Variants in RBMS3 observed in about 807,000 individuals in gnomAD.
RBMS3 encodes the protein RNA binding motif single stranded interacting protein 3, also known as RNA-binding motif, single-stranded-interacting protein 3.
A neutral mutation model predicts 66.8 loss-of-function variants in RBMS3; 27 were observed. That is an observed-to-expected ratio of 0.40 (90% CI 0.30 to 0.56). The LOEUF (loss-of-function observed/expected upper bound fraction) is 0.56. RBMS3 is among the 20% of genes least tolerant of loss of function. RBMS3 has a pLI of 0.40. For synonymous variants in RBMS3, 188 were observed against 183.0 expected (o/e 1.03, Z -0.22); for missense variants, 513 against 549.5 (o/e 0.93, Z 0.66).
chr3:29,549,057 C>CTTTTTTT (rs1576194682), intron 3 of RBMS3, among the ~76,000 whole-genome samples: 1 of 121,984 alleles, frequency 8.2e-6, no homozygotes, highest in Non-Finnish European at 1.7e-5. Flanking sequence ...CCTCCTACTT[C>CTTTTTTT]TGTTTTTTTT....
In RBMS3 at chr3:29,906,743, T is replaced by A. The variant is rs2060389163; in HGVS notation, c.939+6988T>A. ...ATACCCATTTCCTCTTACCCAAAGA[T>A]TAGTACAGTTAATATCTAATGTTAC... On this transcript the variant is annotated intron_variant, in intron 10 of 14. Coordinates refer to ENST00000383767, the MANE Select transcript of RBMS3 (RefSeq NM_001003793.3). 2.0e-5 allele frequency among the ~76,000 whole-genome samples: 3 copies of A among 152,192 alleles called. No homozygotes were observed. The South Asian group carries it at 6.2e-4, about 32-fold the overall frequency.
chr3:29,549,179 TC>T (rs1488292419), intron 3 of RBMS3, among the ~76,000 whole-genome samples: 1 of 151,386 alleles, frequency 6.6e-6, no homozygotes, highest in Non-Finnish European at 1.5e-5. Context: ...CTCCTTCTTT[TC>T]CCCCAGTTCT....
chr3:29,336,273 A>G (rs1436006165), intron 1 of RBMS3, among the ~76,000 whole-genome samples: 3 of 152,172 alleles, frequency 2.0e-5, no homozygotes, highest in African/African-American at 4.8e-5. Flanking sequence ...TGCATGTACA[A>G]CATATTTTGC....
At chr3:29,333,233 A>G (rs1030004335) in intron 1 of RBMS3, among the ~76,000 whole-genome samples, 6 of 152,162 alleles carry the variant, frequency 3.9e-5, no homozygotes, top group African/African-American at 1.4e-4. Flanking sequence ...CTTTGAATCA[A>G]TTGTGTATTT....
At chr3:29,860,223 T>A (rs1225085953) in intron 6 of RBMS3, among the ~76,000 whole-genome samples, 2 of 152,214 alleles carry the variant, frequency 1.3e-5, no homozygotes, top group Non-Finnish European at 2.9e-5. Context: ...AAAGCAGTTC[T>A]AAGTTTTTGT....
At chr3:29,455,041 CA>C (rs1397411680) in intron 2 of RBMS3, among the ~76,000 whole-genome samples, 2 of 152,056 alleles carry the variant, frequency 1.3e-5, no homozygotes, top group Non-Finnish European at 2.9e-5. Context: ...CTATTTACTC[CA>C]TCTCCCTCCC....
chr3:29,507,977 A>G (rs1418999819), intron 3 of RBMS3, among the ~76,000 whole-genome samples: 1 of 152,112 alleles, frequency 6.6e-6, no homozygotes, highest in Non-Finnish European at 1.5e-5. Flanking sequence ...AGAAAAACTC[A>G]TTTTTTCAAT....
intron 5 of RBMS3, among the ~76,000 whole-genome samples, chr3:29,759,388 G>T (rs773671125): frequency 5.3e-5 from 8 of 152,148 alleles, no homozygotes; most frequent in Non-Finnish European, 1.2e-4. Context: ...AGCCTTGTAA[G>T]ATCCTAATTA....
At chr3:29,435,823 A>C (rs979599084) in intron 2 of RBMS3, among the ~76,000 whole-genome samples, 2 of 151,872 alleles carry the variant, frequency 1.3e-5, no homozygotes, top group Non-Finnish European at 2.9e-5. Context: ...AAATACAAAA[A>C]AATTAGACGG....
chr3:29,953,968 AAT>A (rs2149720506), intron 12 of RBMS3, among the ~76,000 whole-genome samples: 1 of 151,750 alleles, frequency 6.6e-6, no homozygotes, highest in East Asian at 1.9e-4. Context: ...TCTTTTTGTC[AAT>A]GTTAACCCCT....
At chr3:29,917,897 T>C (rs2060679639) in intron 10 of RBMS3, among the ~76,000 whole-genome samples, 1 of 152,144 alleles carries the variant, frequency 6.6e-6, no homozygotes, top group African/African-American at 2.4e-5. Context: ...CTTCTATGCT[T>C]TGGAATAATG....
At chr3:29,958,554 G>C (rs1374255976) in intron 12 of RBMS3, among the ~76,000 whole-genome samples, 2 of 152,050 alleles carry the variant, frequency 1.3e-5, no homozygotes, top group African/African-American at 4.8e-5. Context: ...GGCAAAATCT[G>C]AGAGTTTTTT....
chr3:29,930,010 G>C (rs1277037795), intron 10 of RBMS3, among the ~76,000 whole-genome samples: 1 of 151,414 alleles, frequency 6.6e-6, no homozygotes. Flanking sequence ...TGGGAAATTG[G>C]TGTATATTAT....
intron 4 of RBMS3, among the ~76,000 whole-genome samples, chr3:29,721,607 A>G (rs535714639): frequency 3.3e-5 from 5 of 152,176 alleles, no homozygotes; most frequent in African/African-American, 4.8e-5. Flanking sequence ...GGGTCTATCC[A>G]TTTCTCTAAG....
intron 1 of RBMS3, among the ~76,000 whole-genome samples, chr3:29,284,671 G>C (rs141993568): frequency 0.013 from 1,942 of 151,810 alleles, 22 homozygotes; most frequent in Non-Finnish European, 0.02. Flanking sequence ...AAATGTTTAT[G>C]CTCCTTCAAA....
intron 2 of RBMS3, among the ~76,000 whole-genome samples, chr3:29,476,362 C>T (rs1048187053): frequency 5.3e-5 from 8 of 152,168 alleles, no homozygotes; most frequent in Admixed American, 5.2e-4. Context: ...ACCTACCTCA[C>T]CACCAGTAAG....
chr3:29,406,614 A>G (rs1057419466), intron 1 of RBMS3, among the ~76,000 whole-genome samples: 2 of 152,228 alleles, frequency 1.3e-5, no homozygotes, highest in African/African-American at 4.8e-5. Flanking sequence ...GCAAATATTT[A>G]TAGCACACAT....
intron 3 of RBMS3, among the ~76,000 whole-genome samples, chr3:29,584,123 T>C (rs998529602): frequency 1.3e-4 from 20 of 152,142 alleles, no homozygotes; most frequent in Non-Finnish European, 2.6e-4. Flanking sequence ...AAGCAAATCA[T>C]GATAGTGACA....
chr3:29,876,642 C>A (rs182806412), intron 7 of RBMS3, among the ~76,000 whole-genome samples: 8 of 152,198 alleles, frequency 5.3e-5, no homozygotes, highest in African/African-American at 1.9e-4. Flanking sequence ...TTCAGTGGCA[C>A]CTGGAGAAAG....
Sources: gnomAD v4.1 joint callset for allele counts (sites outside exome capture counted in the v4.1 genomes callset) on GRCh38, gnomAD v4.1.1 for gene constraint, MANE v1.5 for transcripts, NCBI Gene and HGNC (gene_info 2026-07-23, HGNC 2026-07-21) for gene names.